The following SLC4A7 variants were observed in gnomAD, a reference collection of about 807,000 sequenced individuals.
SLC4A7 encodes solute carrier family 4 member 7, also known as sodium bicarbonate cotransporter 3.
A neutral mutation model predicts 137.6 loss-of-function variants in SLC4A7; 51 were observed. That is an observed-to-expected ratio of 0.37 (90% confidence interval 0.30 to 0.47). The LOEUF (loss-of-function observed/expected upper bound fraction) is 0.47. Ranked by LOEUF, SLC4A7 falls within the 20% of genes least tolerant of loss-of-function variation. SLC4A7 has a pLI of 1.00. For missense variants in SLC4A7, 1,247 were observed against 1,525.4 expected, an observed-to-expected ratio of 0.82 and a Z score of 3.04; for synonymous variants, 542 against 518.6, an observed-to-expected ratio of 1.05 and a Z score of -0.61.
At chr3:27,483,843 G>A (rs960253169) in intron 1 of SLC4A7, among the ~76,000 whole-genome samples, 3 of 150,650 alleles carry the variant, frequency 2.0e-5, no homozygotes, top group Admixed American at 1.3e-4. Flanking sequence ...GCCGCCGGCC[G>A]CCCCGACTCG....
chr3:27,390,164 A>C (rs1254212411), intron 21 of SLC4A7, 60 bp from the exon 22 acceptor site: 11 of 1,007,142 alleles, frequency 1.1e-5, no homozygotes, highest in Non-Finnish European at 1.7e-5. Flanking sequence ...ATTTAGGAGA[A>C]GAATCTATAC....
intron 7 of SLC4A7, 35 bp from the exon 8 acceptor site, chr3:27,424,187 G>A (rs769243430): frequency 1.8e-6 from 2 of 1,117,668 alleles, no homozygotes; most frequent in Non-Finnish European, 2.7e-6. Context: ...TTAGTAAGGA[G>A]AAAATTCACT....
At position 27,431,347 on chromosome 3, in the gene SLC4A7, C is replaced by G. The variant is rs200145444; in HGVS notation, c.1101G>C (p.Ala367=). Residue 367 remains alanine, a synonymous_variant, in exon 7 of 26, where the codon GCG becomes GCC. Transcript: ENST00000454389. The part of the protein sequence containing the change: ...IHPPEEDLEA[A]LKGEEQKNEE... ...CATTCTTCTGCTCCTCGCCTTTCAGCGCTGCTTCTAAGTCTTCCTCAGGCG... is the reference window on the plus strand; with the variant it reads ...CATTCTTCTGCTCCTCGCCTTTCAGGGCTGCTTCTAAGTCTTCCTCAGGCG... The G allele has an allele frequency of 8.1e-6, 13 of 1,610,908 alleles. No homozygotes were observed. In the African/African-American group the frequency reaches 1.7e-4, roughly 21 times the overall value.
Position 27,448,632 on chromosome 3 carries a change from A to G in SLC4A7, c.289+19T>C. 6.3e-7 allele frequency: 1 copy of G among 1,595,854 alleles called. No homozygotes were observed. Among genetic ancestry groups the G allele is most frequent in the Non-Finnish European group, 8.5e-7 (1 of 1,172,092 alleles). ...AAATAGGAACTTTAAACTGCTAAAGAAGAACTGTTTTCTCTTACCATAAGA... is the reference window on the plus strand; with the variant it reads ...AAATAGGAACTTTAAACTGCTAAAGGAGAACTGTTTTCTCTTACCATAAGA... On this transcript the variant is annotated intron_variant, in intron 3 of 25. Transcript: ENST00000454389.
chr3:27,452,335 G>A, intron 2 of SLC4A7, 82 bp downstream of exon 2: 2 of 905,092 alleles, frequency 2.2e-6, no homozygotes, highest in Non-Finnish European at 3.3e-6. Flanking sequence ...ACAAATACTA[G>A]GTAAAACTTA....
In SLC4A7 at chr3:27,376,833, A is replaced by G. The variant is rs1295735099; in HGVS notation, c.3711T>C (p.Pro1237=). The change falls in exon 26 of 26, where the codon CCT becomes CCC. Residue 1237 remains proline (P), a synonymous_variant. Transcript: ENST00000454389. ...CTTCAAAACTTATTTTCACACTCAC[A>G]GGTTTATCAGGACTATTTAAAACAA... ...VTRSNMSPDK[P]VSVKISFEDE... is the part of the protein sequence containing the mutation. 14 of 1,565,474 alleles carry G rather than the reference A, an allele frequency of 8.9e-6. No homozygotes were observed. Among genetic ancestry groups the G allele is most frequent in the Non-Finnish European group, 1.2e-5 (14 of 1,141,664 alleles).
intron 15 of SLC4A7, 24 bp from the exon 16 acceptor site, chr3:27,400,893 T>C (rs750743153): frequency 5.6e-6 from 7 of 1,247,318 alleles, no homozygotes; most frequent in Non-Finnish European, 4.7e-6. Context: ...GTAGGATACA[T>C]TTTTAAGGAT....
Position 27,406,185 on chromosome 3 carries a change from T to C in SLC4A7, c.1942-1222A>G, listed in dbSNP as rs550513284. ...CTGACTGCTACTAGGTGTTCAGCCA[T>C]GGCCATATCTTAACCTTTCTAAGCC... On this transcript the variant is annotated intron_variant, in intron 13 of 25. Coordinates refer to ENST00000454389, the MANE Select transcript of SLC4A7 (RefSeq NM_001321103.2). Among the ~76,000 whole-genome samples, 7 of 152,340 alleles carry C rather than the reference T, an allele frequency of 4.6e-5. No individual in the cohort carries two copies. The South Asian group carries it at 1.2e-3, about 27-fold the overall frequency.
chr3:27,392,184 C>A (rs923678359), intron 20 of SLC4A7, among the ~76,000 whole-genome samples: 3 of 152,146 alleles, frequency 2.0e-5, no homozygotes, highest in Admixed American at 6.5e-5. Flanking sequence ...AAAGTGACAA[C>A]CATTGTCATT....
intron 1 of SLC4A7, among the ~76,000 whole-genome samples, chr3:27,474,052 A>G (rs1345989226): frequency 6.6e-6 from 1 of 152,182 alleles, no homozygotes; most frequent in African/African-American, 2.4e-5. Context: ...TCTTACGCCT[A>G]TTCGACTGAA....
intron 1 of SLC4A7, among the ~76,000 whole-genome samples, chr3:27,473,805 T>C (rs573147407): frequency 2.0e-5 from 3 of 151,996 alleles, no homozygotes; most frequent in African/African-American, 7.2e-5. Flanking sequence ...TCTTTTAAGT[T>C]ATCTAATAAT....
chr3:27,468,313 T>G (rs963614395), intron 1 of SLC4A7, among the ~76,000 whole-genome samples: 5 of 152,178 alleles, frequency 3.3e-5, no homozygotes, highest in Non-Finnish European at 7.3e-5. Flanking sequence ...AAAAATTATC[T>G]CCATAAGTTG....
intron 1 of SLC4A7, among the ~76,000 whole-genome samples, chr3:27,469,002 G>A (rs2059125619): frequency 1.3e-5 from 2 of 152,006 alleles, no homozygotes; most frequent in Non-Finnish European, 2.9e-5. Flanking sequence ...AGCTACTTGG[G>A]AAGCTTAGAC....
At chr3:27,426,102 A>T (rs140494661) in intron 7 of SLC4A7, among the ~76,000 whole-genome samples, 1 of 152,238 alleles carries the variant, frequency 6.6e-6, no homozygotes, top group Non-Finnish European at 1.5e-5. Flanking sequence ...AAACTAAGTC[A>T]TCTGGGTTTA....
At chr3:27,411,416 CA>C (rs2053888054) in intron 12 of SLC4A7, among the ~76,000 whole-genome samples, 1 of 151,762 alleles carries the variant, frequency 6.6e-6, no homozygotes, top group Non-Finnish European at 1.5e-5. Context: ...TCTGAATATA[CA>C]GTCCATTATT....
At chr3:27,448,850 A>G in intron 2 of SLC4A7, 53 bp from the exon 3 acceptor site, 1 of 1,409,940 alleles carries the variant, frequency 7.1e-7, no homozygotes, top group South Asian at 1.3e-5. Context: ...GAAAAAAGTG[A>G]TATATACAAA....
chr3:27,447,941 G>A (rs2057784705), intron 3 of SLC4A7, among the ~76,000 whole-genome samples: 1 of 152,054 alleles, frequency 6.6e-6, no homozygotes, highest in African/African-American at 2.4e-5. Context: ...GCCAAGCATG[G>A]TGGCTCACAC....
intron 1 of SLC4A7, among the ~76,000 whole-genome samples, chr3:27,461,157 T>C (rs1317951120): frequency 1.3e-5 from 2 of 152,112 alleles, no homozygotes; most frequent in African/African-American, 2.4e-5. Flanking sequence ...AAATTATCTT[T>C]ATTTGCAGAT....
At chr3:27,465,953 CAAAAA>C in intron 1 of SLC4A7, among the ~76,000 whole-genome samples, 1 of 122,544 alleles carries the variant, frequency 8.2e-6, no homozygotes, top group Middle Eastern at 4.4e-3. Context: ...GAGTCCGTCT[CAAAAA>C]AAAAAAAAGA....
Sources: gnomAD v4.1 joint callset for allele counts (sites outside exome capture counted in the v4.1 genomes callset) on GRCh38, gnomAD v4.1.1 for gene constraint, MANE v1.5 for transcripts, NCBI Gene and HGNC (gene_info 2026-07-23, HGNC 2026-07-21) for gene names.